Variants in TFCP2L1 observed in about 807,000 individuals in gnomAD.
TFCP2L1 encodes the protein transcription factor CP2-like protein 1.
A neutral mutation model predicts 72.2 loss-of-function variants in TFCP2L1; 12 were observed. The ratio of observed to expected loss-of-function variants is 0.17; its 90% CI spans 0.11 to 0.27. The LOEUF is 0.27. TFCP2L1 is among the 10% of genes least tolerant of loss of function. The pLI, the probability that TFCP2L1 is intolerant of heterozygous loss-of-function variation, is 1.00. For missense variants in TFCP2L1, 488 were observed against 624.6 expected, an observed-to-expected ratio of 0.78 and a Z score of 2.33; for synonymous variants, 260 against 251.0, an observed-to-expected ratio of 1.04 and a Z score of -0.34.
intron 2 of TFCP2L1, among the ~76,000 whole-genome samples, chr2:121,255,451 T>A (rs547362420): frequency 1.3e-5 from 2 of 152,226 alleles, no homozygotes; most frequent in Non-Finnish European, 2.9e-5. Context: ...CACGTAGCCA[T>A]GTGCCAGTAC....
Position 121,285,097 on chromosome 2 carries a change from GC to G in TFCP2L1, c.12del (p.Trp4CysfsTer56). 2 of 1,517,484 alleles carry G rather than the reference GC, an allele frequency of 1.3e-6. No individual in the cohort carries two copies. Among genetic ancestry groups the G allele is most frequent in the Non-Finnish European group, 1.8e-6 (2 of 1,134,126 alleles). 94.0% of individuals were successfully genotyped at this position (1,517,484 alleles called of 1,614,324 possible). A position where few individuals can be genotyped will look rare whatever the true frequency, so the allele number is the denominator to read the frequency against. On this transcript the variant is annotated frameshift_variant, in exon 1 of 15. Transcript: ENST00000263707. LOFTEE classifies it high-confidence loss of function. MLF[W>X]HTQPEHYNQH... ...TGGTTGTAGTGCTCGGGCTGCGTGT[GC>G]CAGAAGAGCATGGCTGGAACTCCCA...
intron 2 of TFCP2L1, among the ~76,000 whole-genome samples, chr2:121,278,502 A>G (rs1302193004): frequency 1.3e-5 from 2 of 150,004 alleles, no homozygotes; most frequent in Non-Finnish European, 3.0e-5. Flanking sequence ...CCTGGCCAAC[A>G]TGGTGAAACC....
rs1687340255 is a variant in TFCP2L1 at position 121,285,053 on chromosome 2, G to A, written c.57C>T (p.Tyr19=). The part of the protein sequence containing the change: ...EHYNQHNSGS[Y]LRDVLALPIF... ...GGACCGCGCGCGGCCCTTACCGCAG[G>A]TAGCTGCCGGAGTTGTGCTGGTTGT... is the stretch of plus-strand genomic sequence containing the variant. The change falls in exon 1 of 15, where the codon TAC becomes TAT. Residue 19 remains tyrosine (Y), a synonymous_variant. Transcript: ENST00000263707. 1.3e-6 allele frequency: 2 copies of A among 1,511,338 alleles called. No individual in the cohort carries two copies. Among genetic ancestry groups the A allele is most frequent in the African/African-American group, 1.4e-5 (1 of 69,584 alleles). The allele number at this position is 1,511,338 out of a possible 1,614,324, so 93.6% of individuals were successfully genotyped here.
At chr2:121,242,199 C>A (rs967874082) in intron 7 of TFCP2L1, among the ~76,000 whole-genome samples, 160 bp downstream of exon 7, 1 of 151,442 alleles carries the variant, frequency 6.6e-6, no homozygotes, top group African/African-American at 2.4e-5. Context: ...TGGGTCTTAT[C>A]AGATGAACAC....
At chr2:121,252,446 C>G (rs6723689) in intron 2 of TFCP2L1, among the ~76,000 whole-genome samples, 6,787 of 152,190 alleles carry the variant, frequency 0.045, 510 homozygotes, top group African/African-American at 0.15. Context: ...CATCCTAATC[C>G]CCGGAACCTG....
At chr2:121,268,158 T>G (rs80243356) in intron 2 of TFCP2L1, among the ~76,000 whole-genome samples, 5,321 of 152,196 alleles carry the variant, frequency 0.035, 151 homozygotes, top group East Asian at 0.14. Context: ...CCCTATTAAT[T>G]TATTGGTATT....
intron 2 of TFCP2L1, among the ~76,000 whole-genome samples, chr2:121,259,112 T>C (rs1268018810): frequency 6.6e-6 from 1 of 152,044 alleles, no homozygotes; most frequent in Non-Finnish European, 1.5e-5. Flanking sequence ...CCGGATGCGG[T>C]GGCTAATCCC....
At chr2:121,231,320 T>G (rs1237959842) in intron 13 of TFCP2L1, among the ~76,000 whole-genome samples, 3 of 152,232 alleles carry the variant, frequency 2.0e-5, no homozygotes, top group Non-Finnish European at 4.4e-5. Context: ...GTCAGATCCC[T>G]GGAGACCACA....
rs1424836389 is a variant in TFCP2L1 at position 121,222,149 on chromosome 2, G to T, written c.*2192C>A. 2 of 152,186 alleles carry T rather than the reference G, an allele frequency of 1.3e-5. No homozygotes were observed. Among genetic ancestry groups the T allele is most frequent in the African/African-American group, 4.8e-5 (2 of 41,448 alleles). The allele number at this position is 152,186 out of a possible 1,614,324, so 9.4% of individuals were successfully genotyped here. A position where few individuals can be genotyped will look rare whatever the true frequency, so the allele number is the denominator to read the frequency against. On this transcript the variant is annotated 3_prime_UTR_variant, in exon 15 of 15. Transcript: ENST00000263707. ...GCTAAAAGCAAAAAGACAGATAATAGCAAGTGTTGATGAGGATGTAGACAA... is the reference window on the plus strand; with the variant it reads ...GCTAAAAGCAAAAAGACAGATAATATCAAGTGTTGATGAGGATGTAGACAA...
At chr2:121,269,746 T>C (rs1411109552) in intron 2 of TFCP2L1, among the ~76,000 whole-genome samples, 10 of 151,698 alleles carry the variant, frequency 6.6e-5, no homozygotes. Flanking sequence ...CTGACTCTAC[T>C]AAAAATACAA....
chr2:121,227,038 G>A lies in TFCP2L1; in HGVS notation c.1342-1425C>T, dbSNP rs4268929. On this transcript the variant is annotated intron_variant, in intron 13 of 14. Transcript: ENST00000263707. ...TGTGATGGAATCATGCTCCTCGGCA[G>A]TGCCAATGAGCGCCAGCTGTATACT... Among the ~76,000 whole-genome samples the A allele has an allele frequency of 4.9e-4, 74 of 152,334 alleles. 1 individual carries two copies. In the East Asian group the frequency reaches 0.013, roughly 27 times the overall value.
At chr2:121,255,329 G>A (rs1481042554) in intron 2 of TFCP2L1, among the ~76,000 whole-genome samples, 1 of 152,148 alleles carries the variant, frequency 6.6e-6, no homozygotes, top group South Asian at 2.1e-4. Flanking sequence ...TATAGAAGGT[G>A]GTGGTAAAGC....
At chr2:121,275,275 TGTAGTC>T (rs1687123659) in intron 2 of TFCP2L1, among the ~76,000 whole-genome samples, 1 of 149,568 alleles carries the variant, frequency 6.7e-6, no homozygotes. Flanking sequence ...TCGCGGCGCC[TGTAGTC>T]CCAGCTACTT....
intron 2 of TFCP2L1, among the ~76,000 whole-genome samples, chr2:121,278,929 A>C (rs1407144089): frequency 6.6e-6 from 1 of 151,942 alleles, no homozygotes; most frequent in Non-Finnish European, 1.5e-5. Context: ...GCTTGAACCC[A>C]GGAGGCAGAG....
chr2:121,237,822 C>A lies in TFCP2L1; in HGVS notation c.889G>T (p.Ala297Ser), dbSNP rs1472264826. The change falls in exon 9 of 15, where the codon GCC becomes TCC. Residue 297 changes from alanine to serine, a missense_variant. By Grantham distance (99) the Ala-to-Ser change is moderately conservative. Coordinates refer to ENST00000263707, the MANE Select transcript of TFCP2L1 (RefSeq NM_014553.3). Reference sequence around the variant, plus strand: ...CTTACGTCACTGCCCACGGGCAGGGCCTCCACCGGGTGGGTCGGAGAGGCG... The same window carrying A: ...CTTACGTCACTGCCCACGGGCAGGGACTCCACCGGGTGGGTCGGAGAGGCG... Reference protein sequence around the residue: ...GNASPTHPVEALPVGSDHLLP... With the variant: ...GNASPTHPVESLPVGSDHLLP... The A allele has an allele frequency of 1.2e-6, 2 of 1,614,108 alleles. No individual in the cohort carries two copies. The highest frequency in any genetic ancestry group is 1.7e-6 in the Non-Finnish European group (2 of 1,180,024).
chr2:121,240,012 CA>C, intron 7 of TFCP2L1: 2 of 982,986 alleles, frequency 2.0e-6, no homozygotes, highest in Non-Finnish European at 1.2e-6. Context: ...CTGGGAGAGA[CA>C]AATTCGTGTA....
chr2:121,251,888 C>T (rs774909977), intron 2 of TFCP2L1, among the ~76,000 whole-genome samples: 3 of 152,098 alleles, frequency 2.0e-5, no homozygotes, highest in Non-Finnish European at 4.4e-5. Context: ...ACTTTCTGAA[C>T]CTAAAACCAA....
In TFCP2L1 at chr2:121,220,452, T is replaced by A. The variant is rs1685909157; in HGVS notation, c.*3889A>T. On this transcript the variant is annotated 3_prime_UTR_variant, in exon 15 of 15. Transcript: ENST00000263707. ...CCTGGTAAACAGGAAAGGGTTTATC[T>A]CAACCTTGCAGATACCCCGCAAAAA... 6.6e-6 allele frequency: 1 copy of A among 152,206 alleles called. No individual in the cohort carries two copies. Among genetic ancestry groups the A allele is most frequent in the Admixed American group, 6.5e-5 (1 of 15,292 alleles). The allele number at this position is 152,206 out of a possible 1,614,324, so 9.4% of individuals were successfully genotyped here.
At chr2:121,225,541 A>G (rs1225576842) in intron 14 of TFCP2L1, 21 bp downstream of exon 14, 2 of 1,612,108 alleles carry the variant, frequency 1.2e-6, no homozygotes, top group Admixed American at 3.3e-5. Flanking sequence ...CAACTACCCT[A>G]GGGGGAGGGG....
Sources: allele counts gnomAD v4.1 joint callset (sites outside exome capture counted in the v4.1 genomes callset), GRCh38; gene constraint gnomAD v4.1.1; transcripts MANE v1.5; gene names NCBI Gene and HGNC (gene_info 2026-07-23, HGNC 2026-07-21).